The following RGPD3 variants were observed in gnomAD, a reference collection of about 807,000 sequenced individuals.
RGPD3 encodes the protein ranBP2-like and GRIP domain-containing protein 3.
A neutral mutation model predicts 154.5 loss-of-function variants in RGPD3; 62 were observed. The observed-to-expected ratio is 0.40, with a 90% confidence interval of 0.33 to 0.50. RGPD3 has a LOEUF of 0.50. Ranked by LOEUF, RGPD3 falls within the 20% of genes least tolerant of loss-of-function variation. The pLI is 0.59. For synonymous variants in RGPD3, 308 were observed against 607.0 expected (o/e 0.51, Z 7.24); for missense variants, 919 against 1,716.8 (o/e 0.54, Z 8.21).
At chr2:106,418,465 G>C (rs968260322) in intron 20 of RGPD3, among the ~76,000 whole-genome samples, 1 of 152,018 alleles carries the variant, frequency 6.6e-6, no homozygotes, top group Non-Finnish European at 1.5e-5. Context: ...AATTGTTGCT[G>C]CTCACACCTA....
chr2:106,415,736 C>G (rs1379044149), intron 21 of RGPD3, 114 bp downstream of exon 21: 4 of 951,298 alleles, frequency 4.2e-6, no homozygotes, highest in Non-Finnish European at 6.1e-6. Context: ...ATATAAAGAT[C>G]AAGACGTTAT....
chr2:106,437,698 A>G (rs940845461), intron 9 of RGPD3, among the ~76,000 whole-genome samples: 1 of 152,034 alleles, frequency 6.6e-6, no homozygotes, highest in Non-Finnish European at 1.5e-5. Context: ...TGAAGTTTTT[A>G]TCAGAGTATG....
At chr2:106,408,896 G>A (rs1415124845) in intron 22 of RGPD3, among the ~76,000 whole-genome samples, 1 of 151,338 alleles carries the variant, frequency 6.6e-6, no homozygotes, top group African/African-American at 2.4e-5. Context: ...ATGTTGCCCA[G>A]GCTGATTCTG....
At chr2:106,420,803 C>G (rs1676960718) in intron 20 of RGPD3, among the ~76,000 whole-genome samples, 2 of 152,262 alleles carry the variant, frequency 1.3e-5, no homozygotes, top group Non-Finnish European at 2.9e-5. Context: ...GAGATGCGGT[C>G]TTCCTTTGTC....
At chr2:106,415,384 AAG>A (rs1233581288) in intron 21 of RGPD3, among the ~76,000 whole-genome samples, 1 of 152,172 alleles carries the variant, frequency 6.6e-6, no homozygotes, top group Non-Finnish European at 1.5e-5. Flanking sequence ...ATAGGTATAA[AAG>A]AAGTATTTTG....
At chr2:106,411,907 C>A (rs1259997668) in intron 22 of RGPD3, among the ~76,000 whole-genome samples, 1 of 151,956 alleles carries the variant, frequency 6.6e-6, no homozygotes, top group African/African-American at 2.4e-5. Context: ...TATAAAAAGA[C>A]ATTCACAATA....
rs1676443260 is a variant in RGPD3, at chr2:106,404,254, A to T, written c.*965T>A. 6.7e-6 allele frequency among the ~76,000 whole-genome samples: 1 copy of T among 150,252 alleles called. No homozygotes were observed. The highest frequency in any genetic ancestry group is 1.5e-5 in the Non-Finnish European group (1 of 67,804). On this transcript the variant is annotated 3_prime_UTR_variant, in exon 23 of 23. Transcript: ENST00000409886. ...AAAATGGAGAGGATTCTCAAAACAG[A>T]TTCATGGCTTGCATGCAGTGACACC... is the stretch of plus-strand genomic sequence containing the variant.
At chr2:106,469,468 T>G (rs1406566855), upstream of RGPD3, among the ~76,000 whole-genome samples, 1 of 152,194 alleles carries the variant, frequency 6.6e-6, no homozygotes, top group Non-Finnish European at 1.5e-5. Context: ...GAAAAAAAAT[T>G]CAATGTGGCA....
chr2:106,409,941 T>C (rs1017994510), intron 22 of RGPD3, among the ~76,000 whole-genome samples: 7 of 143,540 alleles, frequency 4.9e-5, no homozygotes, highest in African/African-American at 1.3e-4. Context: ...AATGGCACCA[T>C]CTCGGCTCAC....
chr2:106,419,207 GCTT>G (rs1167638959), intron 20 of RGPD3, among the ~76,000 whole-genome samples: 11 of 137,606 alleles, frequency 8.0e-5, no homozygotes, highest in South Asian at 5.6e-4. Context: ...TTCTGAAGTT[GCTT>G]TTTTACCCTA....
upstream of RGPD3, chr2:106,470,884 T>C: frequency 6.3e-7 from 1 of 1,596,868 alleles, no homozygotes; most frequent in East Asian, 2.2e-5. Flanking sequence ...GGCATTGTGT[T>C]GGACATCGTC....
chr2:106,418,207 A>G (rs1482716090), intron 20 of RGPD3, among the ~76,000 whole-genome samples: 1 of 145,372 alleles, frequency 6.9e-6, no homozygotes, highest in African/African-American at 2.5e-5. Flanking sequence ...CTATAAATTA[A>G]TTGCTACTAG....
At chr2:106,418,459 GT>G (rs1410303508) in intron 20 of RGPD3, among the ~76,000 whole-genome samples, 3 of 152,036 alleles carry the variant, frequency 2.0e-5, no homozygotes, top group Admixed American at 6.5e-5. Context: ...CTTCGTAATT[GT>G]TGCTGCTCAC....
chr2:106,463,361 A>T (rs1439006026), intron 1 of RGPD3, among the ~76,000 whole-genome samples: 1 of 152,256 alleles, frequency 6.6e-6, no homozygotes, highest in Non-Finnish European at 1.5e-5. Context: ...CTGTAATCCC[A>T]CTACTCAGGA....
Position 106,424,484 on chromosome 2 carries a change from C to T in RGPD3, c.3483G>A (p.Lys1161=), listed in dbSNP as rs1194351143. 14 of 1,606,594 alleles carry T rather than the reference C, an allele frequency of 8.7e-6. No homozygotes were observed. Among genetic ancestry groups the T allele is most frequent in the Middle Eastern group, 2.2e-4 (1 of 4,452 alleles). Residue 1161 remains lysine (K), a synonymous_variant, in exon 20 of 23, where the codon AAG becomes AAA. Coordinates refer to ENST00000409886, the MANE Select transcript of RGPD3 (RefSeq NM_001144013.2). ...FKTPELAEEF[K]QKFEECQRLL... Reference sequence around the variant, plus strand: ...GCCGCTGGCATTCCTCAAATTTCTGCTTGAATTCTTCAGCCAGCTCTGGTG... The same window carrying T: ...GCCGCTGGCATTCCTCAAATTTCTGTTTGAATTCTTCAGCCAGCTCTGGTG...
intron 20 of RGPD3, 40 bp downstream of exon 20, chr2:106,423,003 A>T (rs1262848860): frequency 9.8e-7 from 1 of 1,022,092 alleles, no homozygotes; most frequent in Non-Finnish European, 1.5e-6. Context: ...ACATTAAAAG[A>T]AAGAAAAATT....
chr2:106,425,215 C>T lies in RGPD3; in HGVS notation c.2752G>A (p.Val918Met), dbSNP rs1455401899. The T allele has an allele frequency of 6.2e-7, 1 of 1,611,658 alleles. No individual in the cohort carries two copies. The highest frequency in any genetic ancestry group is 8.5e-7 in the Non-Finnish European group (1 of 1,179,736). ...CCAAATTTAAATCCATCAGCAGACACAGGGATGGAAAATCCTTCTTTGGTT... is the reference window on the plus strand; with the variant it reads ...CCAAATTTAAATCCATCAGCAGACATAGGGATGGAAAATCCTTCTTTGGTT... ...KSTKEGFSIPVSADGFKFGIS... is the reference protein window; with the variant it reads ...KSTKEGFSIPMSADGFKFGIS... The change falls in exon 20 of 23, where the codon GTG becomes ATG. Residue 918 changes from valine (V) to methionine (M), a missense_variant. Transcript: ENST00000409886.
chr2:106,465,957 C>A (rs912891415), intron 1 of RGPD3, among the ~76,000 whole-genome samples: 1 of 151,916 alleles, frequency 6.6e-6, no homozygotes, highest in African/African-American at 2.4e-5. Flanking sequence ...AAAGCTCACC[C>A]GGAGCTGCGT....
At chr2:106,421,856 A>T (rs1676999763) in intron 20 of RGPD3, among the ~76,000 whole-genome samples, 1 of 151,620 alleles carries the variant, frequency 6.6e-6, no homozygotes, top group African/African-American at 2.4e-5. Context: ...GCAATGAAGT[A>T]CATTACAAAT....
Sources: allele counts gnomAD v4.1 joint callset (sites outside exome capture counted in the v4.1 genomes callset), GRCh38; gene constraint gnomAD v4.1.1; transcripts MANE v1.5; gene names NCBI Gene and HGNC (gene_info 2026-07-23, HGNC 2026-07-21).